The following CCDC93 variants were observed in gnomAD, a reference collection of about 807,000 sequenced individuals.
The protein encoded by CCDC93 is coiled-coil domain-containing protein 93.
A neutral mutation model predicts 108.2 loss-of-function variants in CCDC93; 61 were observed. The ratio of observed to expected loss-of-function variants is 0.56; its 90% CI spans 0.46 to 0.70. The LOEUF is 0.70. CCDC93 is among the 30% of genes least tolerant of loss of function. CCDC93 has a pLI of 0.00. For synonymous variants in CCDC93, 276 were observed against 260.4 expected, an observed-to-expected ratio of 1.06 and a Z score of -0.58; for missense variants, 685 against 764.2, an observed-to-expected ratio of 0.90 and a Z score of 1.22.
At chr2:117,957,125 A>G (rs1339994025) in intron 12 of CCDC93, among the ~76,000 whole-genome samples, 1 of 152,180 alleles carries the variant, frequency 6.6e-6, no homozygotes, top group East Asian at 1.9e-4. Context: ...CCCGACCTCA[A>G]GTGATCTGCC....
At chr2:117,973,200 A>T (rs898395549) in intron 11 of CCDC93, among the ~76,000 whole-genome samples, 5 of 152,076 alleles carry the variant, frequency 3.3e-5, no homozygotes, top group Non-Finnish European at 7.4e-5. Context: ...ATTTGTAGTA[A>T]AAGATTCTGA....
Position 117,936,522 on chromosome 2 carries a change from G to T in CCDC93, c.1643+180C>A, listed in dbSNP as rs1158154958. ...ACTCTACTATCATTATAGTTTTGCAGGTACTCAAGGAGAGTGTAAACAAGA... is the reference window on the plus strand; with the variant it reads ...ACTCTACTATCATTATAGTTTTGCATGTACTCAAGGAGAGTGTAAACAAGA... On this transcript the variant is annotated intron_variant, in intron 21 of 23. Transcript: ENST00000376300. 15 of 605,958 alleles carry T rather than the reference G, an allele frequency of 2.5e-5. No homozygotes were observed. The South Asian group carries it at 3.2e-4, about 13-fold the overall frequency. The allele number at this position is 605,958 out of a possible 1,614,324, so 37.5% of individuals were successfully genotyped here. A position where few individuals can be genotyped will look rare whatever the true frequency, so the allele number is the denominator to read the frequency against.
At chr2:117,996,236 G>T in intron 5 of CCDC93, 28 bp downstream of exon 5, 1 of 1,459,870 alleles carries the variant, frequency 6.8e-7, no homozygotes, top group South Asian at 1.1e-5. Context: ...TTCTCAGTGG[G>T]ACAAGAAAAT....
chr2:117,978,065 TA>T (rs1558792544), intron 7 of CCDC93, 35 bp from the exon 8 acceptor site: 1 of 1,596,480 alleles, frequency 6.3e-7, no homozygotes, highest in South Asian at 1.1e-5. Flanking sequence ...AATTACTACT[TA>T]AAAAATTACA....
At chr2:117,927,488 A>T (rs1678160042) in intron 23 of CCDC93, among the ~76,000 whole-genome samples, 1 of 152,208 alleles carries the variant, frequency 6.6e-6, no homozygotes, top group African/African-American at 2.4e-5. Context: ...AGAGAGCCAA[A>T]TCATGAGTGA....
intron 11 of CCDC93, among the ~76,000 whole-genome samples, chr2:117,973,135 A>G (rs964058097): frequency 6.6e-6 from 1 of 152,160 alleles, no homozygotes; most frequent in African/African-American, 2.4e-5. Flanking sequence ...CCCTAACTGT[A>G]TCACCTGTGC....
intron 15 of CCDC93, among the ~76,000 whole-genome samples, chr2:117,947,567 CA>C (rs1678911173): frequency 6.6e-6 from 1 of 152,186 alleles, no homozygotes; most frequent in Non-Finnish European, 1.5e-5. Flanking sequence ...GCAAAAACTT[CA>C]TAAGACTTTT....
At chr2:117,928,474 G>C (rs539970735) in intron 23 of CCDC93, among the ~76,000 whole-genome samples, 1 of 152,260 alleles carries the variant, frequency 6.6e-6, no homozygotes, top group East Asian at 1.9e-4. Context: ...CTTCTCAAAA[G>C]AAGACATTTA....
chr2:117,941,234 C>G lies in CCDC93; in HGVS notation c.1477G>C (p.Glu493Gln). The change falls in exon 19 of 24, where the codon GAG (glutamate) becomes CAG (glutamine). Residue 493 changes from glutamate to glutamine, a missense_variant. Physicochemically the swap from Glu to Gln is conservative, Grantham distance 29. Transcript: ENST00000376300. ...AATCTCTTCTGATACTGTATTAGCT[C>G]GGCACGGCTAGGGACTTCATCAATC... is the stretch of plus-strand genomic sequence containing the variant. ...RKIDEVPSRAELIQYQKRFIE... is the reference protein window; with the variant it reads ...RKIDEVPSRAQLIQYQKRFIE... 6.2e-7 allele frequency: 1 copy of G among 1,613,948 alleles called. No individual in the cohort carries two copies. Among genetic ancestry groups the G allele is most frequent in the Non-Finnish European group, 8.5e-7 (1 of 1,179,884 alleles).
chr2:117,988,911 C>T (rs1680396911), intron 6 of CCDC93, among the ~76,000 whole-genome samples: 1 of 152,170 alleles, frequency 6.6e-6, no homozygotes, highest in African/African-American at 2.4e-5. Flanking sequence ...AAGTATGGCA[C>T]AAGCCCCACC....
intron 12 of CCDC93, among the ~76,000 whole-genome samples, chr2:117,953,159 T>C (rs1679113007): frequency 6.6e-6 from 1 of 152,234 alleles, no homozygotes; most frequent in South Asian, 2.1e-4. Context: ...AAACTTGTTA[T>C]TAACTGGGTT....
chr2:117,920,404 G>A lies in CCDC93; in HGVS notation c.1843-8C>T. On this transcript the variant is annotated splice_polypyrimidine_tract_variant and splice_region_variant and intron_variant, in intron 23 of 23. Transcript: ENST00000376300. ...CTCGTTCTTGCGGCCCTCCTGGAGG[G>A]AAAGCAGAGAGTATAGAGAGAGTGG... The A allele has an allele frequency of 6.2e-7, 1 of 1,610,058 alleles. No homozygotes were observed. The highest frequency in any genetic ancestry group is 8.5e-7 in the Non-Finnish European group (1 of 1,176,722).
At chr2:117,967,758 T>C (rs2104771174) in intron 11 of CCDC93, among the ~76,000 whole-genome samples, 2 of 152,332 alleles carry the variant, frequency 1.3e-5, no homozygotes, top group Middle Eastern at 3.4e-3. Context: ...TACTCATTTA[T>C]AGAGCACCAA....
At chr2:117,986,181 T>TTTTTG (rs1680314010) in intron 6 of CCDC93, 112 bp from the exon 7 acceptor site, 1 of 591,860 alleles carries the variant, frequency 1.7e-6, no homozygotes, top group Non-Finnish European at 3.0e-6. Flanking sequence ...TTTTTTTTTT[T>TTTTTG]TGAGACAGAG....
At chr2:117,955,991 T>G (rs1448247833) in intron 12 of CCDC93, among the ~76,000 whole-genome samples, 1 of 152,058 alleles carries the variant, frequency 6.6e-6, no homozygotes, top group Non-Finnish European at 1.5e-5. Flanking sequence ...TCCCTACAAT[T>G]TAAAAAAAGC....
chr2:117,924,347 T>C (rs1677999789), intron 23 of CCDC93, among the ~76,000 whole-genome samples: 1 of 151,988 alleles, frequency 6.6e-6, no homozygotes, highest in Admixed American at 6.6e-5. Context: ...AAGGAGGAAG[T>C]TCGAACCCAT....
intron 23 of CCDC93, among the ~76,000 whole-genome samples, chr2:117,924,044 T>TC (rs1677986294): frequency 6.6e-6 from 1 of 152,056 alleles, no homozygotes; most frequent in East Asian, 1.9e-4. Context: ...TCCAGCAAAC[T>TC]CCAACAGACC....
chr2:117,935,099 G>T (rs537873089), intron 22 of CCDC93, among the ~76,000 whole-genome samples: 2 of 152,176 alleles, frequency 1.3e-5, no homozygotes, highest in Non-Finnish European at 2.9e-5. Context: ...TCTTGTGGCG[G>T]AATGTCAGGT....
At chr2:118,001,791 A>AT in intron 3 of CCDC93, among the ~76,000 whole-genome samples, 1 of 152,322 alleles carries the variant, frequency 6.6e-6, no homozygotes, top group Admixed American at 6.5e-5. Context: ...AGGGATTTGT[A>AT]TGCAAGTCTG....
Sources: allele counts gnomAD v4.1 joint callset (sites outside exome capture counted in the v4.1 genomes callset), GRCh38; gene constraint gnomAD v4.1.1; transcripts MANE v1.5; gene names NCBI Gene and HGNC (gene_info 2026-07-23, HGNC 2026-07-21).